Variants in HS6ST3 observed in about 807,000 individuals in gnomAD.
The protein encoded by HS6ST3 is heparan-sulfate 6-O-sulfotransferase 3.
Under a neutral mutation model 36.7 loss-of-function variants are expected in HS6ST3, and 12 were observed. The ratio of observed to expected loss-of-function variants is 0.33; its 90% CI spans 0.21 to 0.53. The LOEUF (loss-of-function observed/expected upper bound fraction) is 0.53. Ranked by LOEUF, HS6ST3 falls within the 20% of genes least tolerant of loss-of-function variation. The pLI is 0.95. For synonymous variants in HS6ST3, 240 were observed against 257.5 expected (o/e 0.93, Z 0.65); for missense variants, 584 against 640.9 (o/e 0.91, Z 0.96).
chr13:96,616,321 G>T (rs986497796), intron 1 of HS6ST3, among the ~76,000 whole-genome samples: 1 of 152,094 alleles, frequency 6.6e-6, no homozygotes, highest in African/African-American at 2.4e-5. Flanking sequence ...ATTTTCTAGG[G>T]AAATGCAAAA....
chr13:96,690,601 A>T (rs1298689146), intron 1 of HS6ST3, among the ~76,000 whole-genome samples: 2 of 152,016 alleles, frequency 1.3e-5, no homozygotes, highest in Non-Finnish European at 2.9e-5. Flanking sequence ...TGTAATATTT[A>T]CCTCCATTTG....
chr13:96,704,504 A>G (rs576715610), intron 1 of HS6ST3, among the ~76,000 whole-genome samples: 7 of 152,354 alleles, frequency 4.6e-5, no homozygotes, highest in Middle Eastern at 3.4e-3. Flanking sequence ...AAAGATCAGA[A>G]ATCAAGATGG....
rs185504626 is a variant in HS6ST3 at position 96,483,664 on chromosome 13, G to T, written c.708-348826G>T. ...ATTACTTATCACATTATATTACTGG[G>T]CATCTTTGTGAGTTATGTTTCTTAC... On this transcript the variant is annotated intron_variant, in intron 1 of 1. Transcript: ENST00000376705. Among the ~76,000 whole-genome samples, 542 of 152,208 alleles carry T rather than the reference G, an allele frequency of 3.6e-3. 4 individuals are homozygous for T. The highest frequency in any genetic ancestry group is 7.8e-3 in the African/African-American group (323 of 41,544).
chr13:96,281,758 C>G (rs1037610659), intron 1 of HS6ST3, among the ~76,000 whole-genome samples: 1 of 152,168 alleles, frequency 6.6e-6, no homozygotes, highest in Non-Finnish European at 1.5e-5. Flanking sequence ...ATGTTGGATA[C>G]TCTTTGAGGT....
intron 1 of HS6ST3, among the ~76,000 whole-genome samples, chr13:96,130,856 A>AT (rs758966517): frequency 5.3e-5 from 3 of 56,182 alleles, no homozygotes; most frequent in Admixed American, 3.3e-4. Context: ...CTGCTTTCAG[A>AT]TTTTCAACCT....
At chr13:96,543,580 A>C (rs1594803502) in intron 1 of HS6ST3, among the ~76,000 whole-genome samples, 1 of 152,196 alleles carries the variant, frequency 6.6e-6, no homozygotes, top group Admixed American at 6.5e-5. Flanking sequence ...TCTTAGCTAT[A>C]CAAAGGTTGA....
intron 1 of HS6ST3, among the ~76,000 whole-genome samples, chr13:96,668,641 G>C (rs2056672300): frequency 2.1e-5 from 3 of 142,444 alleles, no homozygotes; most frequent in African/African-American, 7.8e-5. Context: ...CTGGTTCTGG[G>C]AAAAGAGGAA....
intron 1 of HS6ST3, among the ~76,000 whole-genome samples, chr13:96,716,527 A>T (rs1282881268): frequency 6.6e-6 from 1 of 152,138 alleles, no homozygotes; most frequent in Admixed American, 6.6e-5. Flanking sequence ...ACTCTCTAAT[A>T]TGATAATTAA....
At chr13:96,755,141 T>C (rs1876793314) in intron 1 of HS6ST3, among the ~76,000 whole-genome samples, 1 of 152,154 alleles carries the variant, frequency 6.6e-6, no homozygotes, top group South Asian at 2.1e-4. Context: ...GAAAGTTTTT[T>C]TTTGTACTCA....
chr13:96,346,389 A>G (rs561250895), intron 1 of HS6ST3, among the ~76,000 whole-genome samples: 1 of 152,158 alleles, frequency 6.6e-6, no homozygotes, highest in Admixed American at 6.5e-5. Flanking sequence ...CCTGGCTAAA[A>G]CGGTGAAACC....
chr13:96,452,894 C>T (rs763766545), intron 1 of HS6ST3, among the ~76,000 whole-genome samples: 4 of 151,966 alleles, frequency 2.6e-5, no homozygotes, highest in South Asian at 2.1e-4. Context: ...GAAATTTTAC[C>T]GTGCTTGCAA....
At chr13:96,279,986 G>A (rs879902396) in intron 1 of HS6ST3, among the ~76,000 whole-genome samples, 27 of 152,082 alleles carry the variant, frequency 1.8e-4, no homozygotes, top group Admixed American at 1.7e-3. Flanking sequence ...TCCCTAAAGC[G>A]TTTGAATTTT....
chr13:96,302,328 T>C (rs1036409790), intron 1 of HS6ST3, among the ~76,000 whole-genome samples: 1 of 152,152 alleles, frequency 6.6e-6, no homozygotes, highest in Non-Finnish European at 1.5e-5. Context: ...AAAAATTGTA[T>C]TAAGGGACTG....
At chr13:96,539,531 A>AT (rs2056169704) in intron 1 of HS6ST3, among the ~76,000 whole-genome samples, 2 of 151,824 alleles carry the variant, frequency 1.3e-5, no homozygotes. Context: ...GATTTTTTGT[A>AT]TTTTTAGTAG....
At chr13:96,451,786 T>A (rs1482307167) in intron 1 of HS6ST3, among the ~76,000 whole-genome samples, 1 of 152,196 alleles carries the variant, frequency 6.6e-6, no homozygotes, top group Non-Finnish European at 1.5e-5. Context: ...TTTGTGATAA[T>A]GAGAGGTTGG....
intron 1 of HS6ST3, among the ~76,000 whole-genome samples, chr13:96,597,253 C>G (rs2056405031): frequency 6.6e-6 from 1 of 151,728 alleles, no homozygotes; most frequent in Non-Finnish European, 1.5e-5. Context: ...GGCTTAGTAC[C>G]TGGGTGATTA....
chr13:96,777,453 T>C (rs1367981430), intron 1 of HS6ST3, among the ~76,000 whole-genome samples: 1 of 152,206 alleles, frequency 6.6e-6, no homozygotes, highest in Non-Finnish European at 1.5e-5. Flanking sequence ...CAAAATCTCC[T>C]TAAGCTGATA....
At chr13:96,186,967 A>G (rs955379712) in intron 1 of HS6ST3, among the ~76,000 whole-genome samples, 3 of 152,332 alleles carry the variant, frequency 2.0e-5, no homozygotes, top group Admixed American at 1.3e-4. Flanking sequence ...GTAATTTGCT[A>G]TGAAAACTGT....
intron 1 of HS6ST3, among the ~76,000 whole-genome samples, chr13:96,314,742 CTATT>C (rs562927230): frequency 3.2e-3 from 490 of 152,250 alleles, no homozygotes; most frequent in African/African-American, 0.011. Flanking sequence ...TAAAACTAAA[CTATT>C]TATTGTTTGA....
Sources: gnomAD v4.1 joint callset for allele counts (sites outside exome capture counted in the v4.1 genomes callset) on GRCh38, gnomAD v4.1.1 for gene constraint, MANE v1.5 for transcripts, NCBI Gene and HGNC (gene_info 2026-07-23, HGNC 2026-07-21) for gene names.